KCNJ16: variants seen among roughly 807,000 people sequenced by gnomAD.
The protein encoded by KCNJ16 is inward rectifier potassium channel 16.
In KCNJ16, 15 loss-of-function variants were observed where a neutral mutation model predicts 18.5. The observed-to-expected ratio is 0.81, with a 90% CI of 0.54 to 1.25. KCNJ16 has a LOEUF of 1.25. Ranked by LOEUF, KCNJ16 falls within the 50% of genes most tolerant of loss-of-function variation. The pLI, the probability that KCNJ16 is intolerant of heterozygous loss-of-function variation, is 0.00. For missense variants in KCNJ16, 523 were observed against 525.7 expected (o/e 0.99, Z 0.05); for synonymous variants, 174 against 186.5 (o/e 0.93, Z 0.55).
chr17:70,113,177 C>T (rs1021365818), intron 2 of KCNJ16, among the ~76,000 whole-genome samples: 9 of 152,182 alleles, frequency 5.9e-5, no homozygotes, highest in South Asian at 4.1e-4. Flanking sequence ...TTCCTTCATT[C>T]GCCTAGAAAA....
At chr17:70,092,753 T>C (rs1174462533) in intron 1 of KCNJ16, among the ~76,000 whole-genome samples, 1 of 152,164 alleles carries the variant, frequency 6.6e-6, no homozygotes, top group African/African-American at 2.4e-5. Flanking sequence ...AAGCCAATGG[T>C]ATAAATTTTA....
In KCNJ16 at chr17:70,133,304, T is replaced by G; in HGVS notation, c.1217T>G (p.Leu406Arg). The G allele has an allele frequency of 6.2e-7, 1 of 1,613,998 alleles. No homozygotes were observed. Among genetic ancestry groups the G allele is most frequent in the Non-Finnish European group, 8.5e-7 (1 of 1,179,894 alleles). The change falls in exon 4 of 4, where the codon CTC (leucine) becomes CGC (arginine). Residue 406 changes from leucine (L) to arginine (R), a missense_variant. Coordinates refer to ENST00000392671, the MANE Select transcript of KCNJ16 (RefSeq NM_170741.4). ...AGGGAAACACCTTATCAGAAAGCTC[T>G]CCTGACTTTAAACAGAATCTCTGTA... Reference protein sequence around the residue: ...EYRETPYQKALLTLNRISVES... With the variant: ...EYRETPYQKARLTLNRISVES...
At chr17:70,095,400 C>G (rs8070363) in intron 1 of KCNJ16, among the ~76,000 whole-genome samples, 129,110 of 152,114 alleles carry the variant, frequency 0.85, 54,866 homozygotes, top group East Asian at 0.96. Context: ...GCCTTCACTT[C>G]TAACCTAGAA....
chr17:70,081,806 C>CTGTGTGTGTG lies in KCNJ16; in HGVS notation c.-300+6436_-300+6445dup, dbSNP rs5821755. ...GTTACTTGTTAAGAGTCACCATGCT[C>CTGTGTGTGTG]TGTGTGTGTGTGTGTGTGTGTGTGT... On this transcript the variant is annotated intron_variant, in intron 1 of 3. Coordinates refer to ENST00000392671, the MANE Select transcript of KCNJ16 (RefSeq NM_170741.4). 8.5e-4 allele frequency among the ~76,000 whole-genome samples: 127 copies of CTGTGTGTGTG among 149,576 alleles called. 1 individual carries two copies. The highest frequency in any genetic ancestry group is 2.4e-3 in the Admixed American group (36 of 14,930).
At chr17:70,085,461 G>T (rs1313515879) in intron 1 of KCNJ16, among the ~76,000 whole-genome samples, 1 of 152,122 alleles carries the variant, frequency 6.6e-6, no homozygotes. Context: ...AAAGGTATGG[G>T]CTTTTAACCA....
At chr17:70,085,517 T>C (rs761062365) in intron 1 of KCNJ16, among the ~76,000 whole-genome samples, 4 of 152,204 alleles carry the variant, frequency 2.6e-5, no homozygotes, top group Non-Finnish European at 5.9e-5. Context: ...TAAATTCATA[T>C]CTGTGTTATT....
chr17:70,116,889 G>C (rs1041042258), intron 2 of KCNJ16, among the ~76,000 whole-genome samples: 1 of 152,176 alleles, frequency 6.6e-6, no homozygotes, highest in Admixed American at 6.6e-5. Flanking sequence ...GTGGAAAGCA[G>C]TTTGGAGATT....
At chr17:70,127,604 A>G (rs182924887) in intron 2 of KCNJ16, among the ~76,000 whole-genome samples, 316 of 151,730 alleles carry the variant, frequency 2.1e-3, no homozygotes, top group African/African-American at 7.4e-3. Context: ...CCTACTCTTC[A>G]TCTACCCTGG....
At chr17:70,105,494 A>C (rs1418812936) in intron 2 of KCNJ16, among the ~76,000 whole-genome samples, 4 of 152,200 alleles carry the variant, frequency 2.6e-5, no homozygotes, top group Non-Finnish European at 4.4e-5. Context: ...CCACTGTTGC[A>C]AAGTGACAGC....
chr17:70,085,984 C>G (rs1025551931), intron 1 of KCNJ16, among the ~76,000 whole-genome samples: 1 of 152,158 alleles, frequency 6.6e-6, no homozygotes, highest in Non-Finnish European at 1.5e-5. Flanking sequence ...GTCCCAACGA[C>G]AGATGGAAGT....
intron 2 of KCNJ16, among the ~76,000 whole-genome samples, chr17:70,103,565 T>C (rs960710351): frequency 2.0e-5 from 3 of 151,988 alleles, no homozygotes; most frequent in Non-Finnish European, 4.4e-5. Context: ...TTCTTAGTTA[T>C]AGCCTCCTCA....
At chr17:70,077,978 G>A (rs1370752374) in intron 1 of KCNJ16, among the ~76,000 whole-genome samples, 1 of 152,176 alleles carries the variant, frequency 6.6e-6, no homozygotes, top group Non-Finnish European at 1.5e-5. Flanking sequence ...AGACTGGGAG[G>A]AGAACTATTT....
At chr17:70,112,631 A>G (rs981307309) in intron 2 of KCNJ16, among the ~76,000 whole-genome samples, 2 of 152,172 alleles carry the variant, frequency 1.3e-5, no homozygotes, top group Admixed American at 6.5e-5. Context: ...TGTGTACAAA[A>G]TGGCATTTTG....
At chr17:70,078,863 G>A (rs2071425576) in intron 1 of KCNJ16, among the ~76,000 whole-genome samples, 1 of 152,154 alleles carries the variant, frequency 6.6e-6, no homozygotes, top group African/African-American at 2.4e-5. Context: ...TTTGAGGCAG[G>A]TTAATATTGT....
chr17:70,093,434 C>T (rs1434604580), intron 1 of KCNJ16, among the ~76,000 whole-genome samples: 1 of 152,102 alleles, frequency 6.6e-6, no homozygotes, highest in East Asian at 1.9e-4. Flanking sequence ...GTGTCTGTGT[C>T]CAGATCTCCT....
chr17:70,122,176 C>CT (rs34898848), intron 2 of KCNJ16, among the ~76,000 whole-genome samples: 4,487 of 144,530 alleles, frequency 0.031, 219 homozygotes, highest in African/African-American at 0.1. Context: ...ATATCGGATA[C>CT]TTTTTTTTTT....
At chr17:70,093,540 A>C (rs2072220411) in intron 1 of KCNJ16, among the ~76,000 whole-genome samples, 1 of 152,150 alleles carries the variant, frequency 6.6e-6, no homozygotes, top group Admixed American at 6.6e-5. Flanking sequence ...ATCAGGTCTC[A>C]TTTGCAGGTA....
At chr17:70,127,228 G>C (rs953183687) in intron 2 of KCNJ16, among the ~76,000 whole-genome samples, 1 of 152,064 alleles carries the variant, frequency 6.6e-6, no homozygotes, top group Non-Finnish European at 1.5e-5. Flanking sequence ...CCTGCTCTGG[G>C]GATGAGAAGG....
intron 3 of KCNJ16, 109 bp downstream of exon 3, chr17:70,131,084 G>T (rs772375234): frequency 1.7e-6 from 2 of 1,171,270 alleles, no homozygotes; most frequent in African/African-American, 3.1e-5. Context: ...CTGAAAAGCC[G>T]GAGAGAAGGG....
Sources: allele counts gnomAD v4.1 joint callset (sites outside exome capture counted in the v4.1 genomes callset), GRCh38; gene constraint gnomAD v4.1.1; transcripts MANE v1.5; gene names NCBI Gene and HGNC (gene_info 2026-07-23, HGNC 2026-07-21).